The following ZNF277 variants were observed in gnomAD, a reference collection of about 807,000 sequenced individuals.
The protein encoded by ZNF277 is zinc finger protein 277, also known as nuclear receptor-interacting factor 4.
Under a neutral mutation model 60.7 loss-of-function variants are expected in ZNF277, and 55 were observed. The ratio of observed to expected loss-of-function variants is 0.91; its 90% CI spans 0.73 to 1.13. The LOEUF is 1.13. Among genes scored for constraint, ZNF277 ranks in the 50% most tolerant of loss-of-function variants. The pLI, the probability that ZNF277 is intolerant of heterozygous loss-of-function variation, is 0.00. For missense variants in ZNF277, 510 were observed against 523.0 expected (o/e 0.98, Z 0.24); for synonymous variants, 178 against 179.3 (o/e 0.99, Z 0.06).
chr7:112,264,711 A>G (rs1791510622), intron 1 of ZNF277, among the ~76,000 whole-genome samples: 1 of 152,192 alleles, frequency 6.6e-6, no homozygotes, highest in Non-Finnish European at 1.5e-5. Flanking sequence ...GGTCACCACA[A>G]TAAAGACAAT....
chr7:112,309,490 CT>C (rs942833299), intron 4 of ZNF277, among the ~76,000 whole-genome samples: 21 of 152,070 alleles, frequency 1.4e-4, no homozygotes, highest in Admixed American at 7.2e-4. Context: ...TACCCCACCC[CT>C]CTGTACCGTT....
intron 1 of ZNF277, among the ~76,000 whole-genome samples, chr7:112,222,656 A>G (rs1042977872): frequency 6.6e-6 from 1 of 151,978 alleles, no homozygotes; most frequent in South Asian, 2.1e-4. Context: ...GATCCTTTCT[A>G]TTATTTTTCT....
chr7:112,305,904 A>G (rs535985653), intron 4 of ZNF277, among the ~76,000 whole-genome samples: 2 of 152,198 alleles, frequency 1.3e-5, no homozygotes, highest in East Asian at 1.9e-4. Flanking sequence ...GCTCATCAGC[A>G]TTCCGTATGT....
rs1211027420 is a variant in ZNF277, at chr7:112,287,053, A to G, written c.272A>G (p.Lys91Arg). ...CATAAGATTGTCATAGCTGATGTCA[A>G]GTTGGTTGCTGATTTCCAAAGGTAA... ...IEHKIVIADV[K>R]LVADFQRYIL... Residue 91 changes from lysine (K) to arginine (R), a missense_variant, in exon 2 of 12, where the codon AAG (lysine) becomes AGG (arginine). Physicochemically the swap from Lys to Arg is conservative, Grantham distance 26. Transcript: ENST00000361822. 4.3e-6 allele frequency: 7 copies of G among 1,613,934 alleles called. No individual in the cohort carries two copies. The African/African-American group carries it at 9.3e-5, about 22-fold the overall frequency.
At chr7:112,308,196 C>T (rs1214715822) in intron 4 of ZNF277, among the ~76,000 whole-genome samples, 2 of 151,966 alleles carry the variant, frequency 1.3e-5, no homozygotes, top group African/African-American at 4.8e-5. Context: ...TCTGCTAACA[C>T]TTTACTTAAA....
intron 1 of ZNF277, among the ~76,000 whole-genome samples, chr7:112,246,098 G>A (rs1791077641): frequency 6.6e-6 from 1 of 152,048 alleles, no homozygotes; most frequent in African/African-American, 2.4e-5. Flanking sequence ...GGTATAAAAG[G>A]TAAGGCCGAG....
intron 1 of ZNF277, among the ~76,000 whole-genome samples, chr7:112,255,016 C>T (rs1295979226): frequency 6.6e-6 from 1 of 151,966 alleles, no homozygotes; most frequent in African/African-American, 2.4e-5. Flanking sequence ...CAAGTGATTG[C>T]CATTTACTCT....
At chr7:112,237,013 T>C (rs1790809773) in intron 1 of ZNF277, among the ~76,000 whole-genome samples, 1 of 152,000 alleles carries the variant, frequency 6.6e-6, no homozygotes, top group African/African-American at 2.4e-5. Context: ...TTTTTGAAAA[T>C]CAAGATCACA....
intron 1 of ZNF277, among the ~76,000 whole-genome samples, chr7:112,232,324 T>C (rs1177599001): frequency 1.3e-5 from 2 of 152,056 alleles, no homozygotes; most frequent in African/African-American, 4.8e-5. Context: ...ATCTGTCTAT[T>C]TGAAGAATTC....
At chr7:112,283,660 A>G (rs1791997738) in intron 1 of ZNF277, among the ~76,000 whole-genome samples, 1 of 152,222 alleles carries the variant, frequency 6.6e-6, no homozygotes. Context: ...ATGTGTGAAT[A>G]TTTAGGTCCA....
intron 1 of ZNF277, among the ~76,000 whole-genome samples, chr7:112,257,778 AAATTTTT>A (rs774263182): frequency 2.9e-4 from 44 of 152,192 alleles, no homozygotes; most frequent in African/African-American, 7.5e-4. Flanking sequence ...CACAATTTTC[AAATTTTT>A]AATTTTTAAT....
chr7:112,266,402 C>T (rs1056054943), intron 1 of ZNF277, among the ~76,000 whole-genome samples: 1 of 152,164 alleles, frequency 6.6e-6, no homozygotes, highest in African/African-American at 2.4e-5. Context: ...CCTCCTCAGC[C>T]TGTCAAACTG....
chr7:112,305,071 G>C (rs1792559185), intron 4 of ZNF277, among the ~76,000 whole-genome samples: 1 of 152,064 alleles, frequency 6.6e-6, no homozygotes. Context: ...CGCACTTGCT[G>C]TTTGCTGTGC....
intron 1 of ZNF277, among the ~76,000 whole-genome samples, chr7:112,213,324 G>C (rs180819517): frequency 2.0e-5 from 3 of 152,058 alleles, no homozygotes; most frequent in African/African-American, 4.8e-5. Flanking sequence ...GCCCAGTCTC[G>C]GGTATGTCTT....
intron 1 of ZNF277, among the ~76,000 whole-genome samples, chr7:112,208,743 C>A (rs1184652311): frequency 7.6e-6 from 1 of 131,144 alleles, no homozygotes; most frequent in Non-Finnish European, 1.5e-5. Flanking sequence ...TGCAGTGGCG[C>A]GATCTCGGCT....
At chr7:112,208,021 A>C (rs1462981813) in intron 1 of ZNF277, among the ~76,000 whole-genome samples, 1 of 152,168 alleles carries the variant, frequency 6.6e-6, no homozygotes. Flanking sequence ...CTAGATTTTC[A>C]AAGTTCCAGA....
chr7:112,236,792 G>A (rs886874260), intron 1 of ZNF277, among the ~76,000 whole-genome samples: 14 of 151,900 alleles, frequency 9.2e-5, no homozygotes, highest in Non-Finnish European at 1.6e-4. Context: ...GAGGGACTTC[G>A]ACACACCACT....
At chr7:112,237,171 G>A (rs1790818067) in intron 1 of ZNF277, among the ~76,000 whole-genome samples, 1 of 152,044 alleles carries the variant, frequency 6.6e-6, no homozygotes, top group South Asian at 2.1e-4. Context: ...AAAAAATTTT[G>A]AAACAAATGA....
intron 1 of ZNF277, among the ~76,000 whole-genome samples, chr7:112,234,569 A>G (rs764153581): frequency 9.2e-5 from 14 of 152,136 alleles, no homozygotes; most frequent in Non-Finnish European, 2.1e-4. Flanking sequence ...TAAGGGGACC[A>G]TTCAGACCAT....
Sources: allele counts gnomAD v4.1 joint callset (sites outside exome capture counted in the v4.1 genomes callset), GRCh38; gene constraint gnomAD v4.1.1; transcripts MANE v1.5; gene names NCBI Gene and HGNC (gene_info 2026-07-23, HGNC 2026-07-21).